The following ZSWIM4 variants were observed in gnomAD, a reference collection of about 807,000 sequenced individuals.
The protein encoded by ZSWIM4 is zinc finger SWIM-type containing 4, also known as zinc finger SWIM domain-containing protein 4.
Under a neutral mutation model 102.5 loss-of-function variants are expected in ZSWIM4, and 62 were observed. The ratio of observed to expected loss-of-function variants is 0.60; its 90% CI spans 0.49 to 0.75. The LOEUF is 0.75. Among genes scored for constraint, ZSWIM4 ranks in the 30% least tolerant of loss-of-function variants. The pLI, the probability that ZSWIM4 is intolerant of heterozygous loss-of-function variation, is 0.00. For missense variants in ZSWIM4, 1,280 were observed against 1,529.6 expected, an observed-to-expected ratio of 0.84 and a Z score of 2.72; for synonymous variants, 652 against 674.5, an observed-to-expected ratio of 0.97 and a Z score of 0.52.
chr19:13,831,116 A>G lies in ZSWIM4; in HGVS notation c.*66A>G, dbSNP rs1975757340. Reference sequence around the variant, plus strand: ...CTGCGTCCCCCACCCTTGCTCTCCAATTAGGCCCACGTGGCATTTCAGTAT... The same window carrying G: ...CTGCGTCCCCCACCCTTGCTCTCCAGTTAGGCCCACGTGGCATTTCAGTAT... On this transcript the variant is annotated 3_prime_UTR_variant, in exon 14 of 14. Transcript: ENST00000590508. The G allele has an allele frequency of 4.0e-6, 6 of 1,502,038 alleles. No individual in the cohort carries two copies. In the East Asian group the frequency reaches 9.1e-5, roughly 23 times the overall value. 93.0% of individuals were successfully genotyped at this position (1,502,038 alleles called of 1,614,324 possible).
At chr19:13,812,396 C>T (rs1010068619) in intron 5 of ZSWIM4, among the ~76,000 whole-genome samples, 1 of 151,080 alleles carries the variant, frequency 6.6e-6, no homozygotes, top group Non-Finnish European at 1.5e-5. Flanking sequence ...TGGGTTGAAG[C>T]GATTCTTGTG....
intron 2 of ZSWIM4, among the ~76,000 whole-genome samples, chr19:13,803,185 G>T (rs1241978085): frequency 6.6e-6 from 1 of 152,170 alleles, no homozygotes; most frequent in Admixed American, 6.5e-5. Context: ...CTGACCACGG[G>T]CTCCTTGCCA....
chr19:13,831,951 C>G lies in ZSWIM4; in HGVS notation c.*901C>G, dbSNP rs1975779108. The stretch of plus-strand genomic sequence containing the variant: ...TCTCTGCACCTAAGTCCCTGCCGCC[C>G]TCTCTCTTTGGCCATCCTTCCTTTC... On this transcript the variant is annotated 3_prime_UTR_variant, in exon 14 of 14. Coordinates refer to ENST00000590508, the MANE Select transcript of ZSWIM4 (RefSeq NM_001367834.3). The G allele has an allele frequency of 6.6e-6, 1 of 151,750 alleles. No homozygotes were observed. Among genetic ancestry groups the G allele is most frequent in the African/African-American group, 2.4e-5 (1 of 41,228 alleles). The allele number at this position is 151,750 out of a possible 1,614,324, so 9.4% of individuals were successfully genotyped here. A position where few individuals can be genotyped will look rare whatever the true frequency, so the allele number is the denominator to read the frequency against.
chr19:13,809,996 T>C lies in ZSWIM4; in HGVS notation c.1012+776T>C, dbSNP rs183604767. Among the ~76,000 whole-genome samples, 92 of 151,520 alleles carry C rather than the reference T, an allele frequency of 6.1e-4. No individual in the cohort carries two copies. The highest frequency in any genetic ancestry group is 2.4e-3 in the Admixed American group (37 of 15,204). On this transcript the variant is annotated intron_variant, in intron 5 of 13. Transcript: ENST00000590508. This position sits in a 1 kb window ranked among gnomAD's most constrained non-coding sequence, Gnocchi z 4.2. Reference sequence around the variant, plus strand: ...TGTTTGTTTTCTTTTCTTTTCTTTTTTTTTTTTTGAGAAGGAGTCTCGCTC... The same window carrying C: ...TGTTTGTTTTCTTTTCTTTTCTTTTCTTTTTTTTGAGAAGGAGTCTCGCTC...
At chr19:13,821,805 G>A (rs1322195553) in intron 10 of ZSWIM4, among the ~76,000 whole-genome samples, 3 of 151,748 alleles carry the variant, frequency 2.0e-5, no homozygotes, top group Non-Finnish European at 4.4e-5. Flanking sequence ...TGCAAGCTCC[G>A]CTCACTGCAA....
At position 13,814,060 on chromosome 19, in the gene ZSWIM4, CTTTT is replaced by C. The variant is rs869279797; in HGVS notation, c.1181-442_1181-439del. 1.7e-3 allele frequency among the ~76,000 whole-genome samples: 239 copies of C among 138,138 alleles called. 1 individual carries two copies. The highest frequency in any genetic ancestry group is 6.2e-3 in the African/African-American group (230 of 36,974). The allele number at this position is 138,138 out of a possible 152,430, so 90.6% of individuals were successfully genotyped here. ...CTAGCTCCTAACACATACACGCATC[CTTTT>C]TTTTTTTTTTTTGAGACAGTCTCAC... On this transcript the variant is annotated intron_variant, in intron 6 of 13. Coordinates refer to ENST00000590508, the MANE Select transcript of ZSWIM4 (RefSeq NM_001367834.3).
At chr19:13,816,477 A>G (rs1975291599) in intron 7 of ZSWIM4, among the ~76,000 whole-genome samples, 1 of 151,974 alleles carries the variant, frequency 6.6e-6, no homozygotes, top group South Asian at 2.1e-4. Context: ...TCCAAAACAA[A>G]TTAGCCAGGT....
In ZSWIM4 at chr19:13,816,761, G is replaced by A. The variant is rs191937376; in HGVS notation, c.1532-455G>A. Among the ~76,000 whole-genome samples the A allele has an allele frequency of 3.6e-3, 541 of 152,308 alleles. 3 individuals carry two copies. The highest frequency in any genetic ancestry group is 5.0e-3 in the Non-Finnish European group (342 of 68,024). ...GAAGAGAGTACGTGGCTTGGAGGACGAGGCTGGAGGATTGGCCTCCAGATG... is the reference window on the plus strand; with the variant it reads ...GAAGAGAGTACGTGGCTTGGAGGACAAGGCTGGAGGATTGGCCTCCAGATG... On this transcript the variant is annotated intron_variant, in intron 7 of 13. Transcript: ENST00000590508.
intron 3 of ZSWIM4, among the ~76,000 whole-genome samples, chr19:13,808,537 A>G (rs943252056): frequency 2.6e-5 from 4 of 151,802 alleles, no homozygotes; most frequent in African/African-American, 9.7e-5. Context: ...GGAGTTTGAG[A>G]CCAGCCTGAC....
At chr19:13,802,267 C>T (rs575002835) in intron 2 of ZSWIM4, among the ~76,000 whole-genome samples, 21 of 142,796 alleles carry the variant, frequency 1.5e-4, no homozygotes, top group South Asian at 8.9e-4. Context: ...TGAGCCACCA[C>T]GCCTGGCCAA....
rs780557001 is a variant in ZSWIM4, at chr19:13,825,683, G to T, written c.2349G>T (p.Leu783=). ...TCAGCGCCCCACCAGACACCACGCT[G>T]CTGGGCATCGCACTGGAGCTGGGGC... is the stretch of plus-strand genomic sequence containing the variant. ...TPVSAPPDTT[L]LGIALELGLQ... is the part of the protein sequence containing the mutation. Residue 783 remains leucine, a synonymous_variant, in exon 12 of 14, where the codon CTG becomes CTT. Transcript: ENST00000590508. The surrounding 1 kb of genome is among the most constrained non-coding windows in gnomAD (Gnocchi z 4.6). 3 of 1,611,760 alleles carry T rather than the reference G, an allele frequency of 1.9e-6. No individual in the cohort carries two copies. The highest frequency in any genetic ancestry group is 2.5e-6 in the Non-Finnish European group (3 of 1,179,946).
In ZSWIM4 at chr19:13,830,192, C is replaced by T. The variant is rs746936963; in HGVS notation, c.2463C>T (p.Gly821=). 1 of 1,606,012 alleles carries T rather than the reference C, an allele frequency of 6.2e-7. No individual in the cohort carries two copies. Among genetic ancestry groups the T allele is most frequent in the East Asian group, 2.2e-5 (1 of 44,686 alleles). The part of the protein sequence containing the change: ...RWLVSCATEI[G]PQALMNIMQN... The stretch of plus-strand genomic sequence containing the variant: ...TTTCCCTCCCTCACCTCCCACCAGG[C>T]CCGCAAGCCCTGATGAATATCATGC... Residue 821 remains glycine (G), a splice_region_variant and synonymous_variant, in exon 14 of 14, where the codon GGC becomes GGT. Coordinates refer to ENST00000590508, the MANE Select transcript of ZSWIM4 (RefSeq NM_001367834.3).
intron 10 of ZSWIM4, among the ~76,000 whole-genome samples, chr19:13,821,295 A>AAAT (rs1194680492): frequency 3.3e-5 from 5 of 151,730 alleles, no homozygotes; most frequent in African/African-American, 1.2e-4. Flanking sequence ...AAAAAAAAAA[A>AAAT]AAAGGCCAAC....
In ZSWIM4 at chr19:13,799,787, G is replaced by A; in HGVS notation, c.221G>A (p.Arg74His). The A allele has an allele frequency of 1.2e-6, 2 of 1,614,066 alleles. No homozygotes were observed. The highest frequency in any genetic ancestry group is 1.7e-6 in the Non-Finnish European group (2 of 1,180,020). ...QKRIVFWSFP[R>H]SEREICMYSS... The stretch of plus-strand genomic sequence containing the variant: ...CGCATCGTGTTTTGGTCGTTTCCAC[G>A]CAGTGAACGGGAAATATGTATGTAC... The change falls in exon 2 of 14, where the codon CGC (arginine) becomes CAC (histidine). Residue 74 changes from arginine (R) to histidine (H), a missense_variant. Transcript: ENST00000590508.
At position 13,825,413 on chromosome 19, in the gene ZSWIM4, C is replaced by A; in HGVS notation, c.2216-137C>A. The A allele has an allele frequency of 9.6e-7, 1 of 1,043,634 alleles. No individual in the cohort carries two copies. Among genetic ancestry groups the A allele is most frequent in the Non-Finnish European group, 1.4e-6 (1 of 714,436 alleles). 64.6% of individuals were successfully genotyped at this position (1,043,634 alleles called of 1,614,324 possible). A position where few individuals can be genotyped will look rare whatever the true frequency, so the allele number is the denominator to read the frequency against. On this transcript the variant is annotated intron_variant, in intron 11 of 13. Transcript: ENST00000590508. This position sits in a 1 kb window ranked among gnomAD's most constrained non-coding sequence, Gnocchi z 4.6. Reference sequence around the variant, plus strand: ...CACTGAGGTCTGAATCTTCACAGAACCATGGCCCAGTACACATCCCTCCAC... The same window carrying A: ...CACTGAGGTCTGAATCTTCACAGAAACATGGCCCAGTACACATCCCTCCAC...
chr19:13,823,441 T>C lies in ZSWIM4; in HGVS notation c.2156T>C (p.Leu719Pro), dbSNP rs1257833413. ...MSNRFPRWFI[L>P]GHLETRQCEL... ...AACCGCTTCCCCCGCTGGTTCATCC[T>C]TGGCCACCTGGAGACCCGCCAGTGT... Residue 719 changes from leucine to proline, a missense_variant, in exon 11 of 14, where the codon CTT becomes CCT. Leu to Pro is a moderately conservative substitution (Grantham distance 98). Transcript: ENST00000590508. 6.3e-7 allele frequency: 1 copy of C among 1,593,400 alleles called. No individual in the cohort carries two copies. The highest frequency in any genetic ancestry group is 1.3e-5 in the African/African-American group (1 of 74,366).
At chr19:13,822,834 C>T (rs1232671054) in intron 10 of ZSWIM4, among the ~76,000 whole-genome samples, 2 of 152,074 alleles carry the variant, frequency 1.3e-5, no homozygotes, top group South Asian at 2.1e-4. Context: ...ACAAAATTAG[C>T]CAGGTGTGGT....
At chr19:13,828,564 G>A (rs985785059) in intron 12 of ZSWIM4, 81 bp from the exon 13 acceptor site, 1 of 1,249,628 alleles carries the variant, frequency 8.0e-7, no homozygotes, top group Non-Finnish European at 1.2e-6. Flanking sequence ...AGTGTTTCTG[G>A]GGTCCTCCAT....
At chr19:13,805,623 TA>T (rs1351636411) in intron 3 of ZSWIM4, among the ~76,000 whole-genome samples, 3 of 149,664 alleles carry the variant, frequency 2.0e-5, no homozygotes, top group African/African-American at 4.9e-5. Context: ...GGAAGGTGAG[TA>T]GTAGGTGGAG....
Sources: gnomAD v4.1 joint callset for allele counts (sites outside exome capture counted in the v4.1 genomes callset) on GRCh38, gnomAD v4.1.1 for gene constraint, Gnocchi (gnomAD v3.1) non-coding constraint, MANE v1.5 for transcripts, NCBI Gene and HGNC (gene_info 2026-07-23, HGNC 2026-07-21) for gene names.